The following ARHGAP44 variants were observed in gnomAD, a reference collection of about 807,000 sequenced individuals.
The protein encoded by ARHGAP44 is rho GTPase-activating protein 44.
ARHGAP44 carries 43 observed loss-of-function variants against 106.8 expected under a neutral mutation model. The ratio of observed to expected loss-of-function variants is 0.40; its 90% CI spans 0.32 to 0.52. ARHGAP44 has a LOEUF of 0.52. Ranked by LOEUF, ARHGAP44 falls within the 20% of genes least tolerant of loss-of-function variation. ARHGAP44 has a pLI of 0.48. For missense variants in ARHGAP44, 866 were observed against 1,050.5 expected (o/e 0.82, Z 2.43); for synonymous variants, 439 against 410.3 (o/e 1.07, Z -0.85).
chr17:12,855,110 G>T (rs2035870206), intron 1 of ARHGAP44, among the ~76,000 whole-genome samples: 1 of 152,046 alleles, frequency 6.6e-6, no homozygotes, highest in Admixed American at 6.6e-5. Context: ...ACACTGGGTG[G>T]GTAAAAGAAA....
At chr17:12,903,138 A>AGTGTGT (rs1421977965) in intron 3 of ARHGAP44, among the ~76,000 whole-genome samples, 4 of 94,750 alleles carry the variant, frequency 4.2e-5, no homozygotes, top group Admixed American at 1.3e-4. Context: ...AGAGAGAGAG[A>AGTGTGT]GAGTGTGTGT....
intron 3 of ARHGAP44, among the ~76,000 whole-genome samples, chr17:12,902,390 A>G (rs997352516): frequency 1.3e-5 from 2 of 152,146 alleles, no homozygotes; most frequent in African/African-American, 2.4e-5. Flanking sequence ...TGACCACCTA[A>G]TGTGTCTGCT....
intron 5 of ARHGAP44, 108 bp from the exon 6 acceptor site, chr17:12,919,647 A>C (rs1022864699): frequency 1.1e-6 from 1 of 879,064 alleles, no homozygotes; most frequent in Non-Finnish European, 1.7e-6. Flanking sequence ...TGGCCTCCCA[A>C]AGTGCTGGGA....
In ARHGAP44 at chr17:12,984,617, C is replaced by G; in HGVS notation, c.2026C>G (p.Pro676Ala). The change falls in exon 20 of 21, where the codon CCA (proline) becomes GCA (alanine). Residue 676 changes from proline (P) to alanine (A), a missense_variant. By Grantham distance (27) the Pro-to-Ala change is conservative. Around this residue, in one of 2 missense-constraint regions of ARHGAP44, gnomAD observed 418 missense variants for 403.6 expected, o/e 1.04. Transcript: ENST00000379672. ...MADQSAGQPS[P>A]VSLSPTPPST... ...AGACCAGTCCGCTGGCCAGCCGTCC[C>G]CAGTCAGCCTGTCCCCCACCCCGCC... 1 of 1,611,252 alleles carries G rather than the reference C, an allele frequency of 6.2e-7. No homozygotes were observed. Among genetic ancestry groups the G allele is most frequent in the South Asian group, 1.1e-5 (1 of 90,824 alleles).
chr17:12,885,612 G>T (rs1484108631), intron 1 of ARHGAP44, among the ~76,000 whole-genome samples: 1 of 152,018 alleles, frequency 6.6e-6, no homozygotes, highest in African/African-American at 2.4e-5. Flanking sequence ...TGTCTTAAGG[G>T]CTAATAATGT....
rs531273391 is a variant in ARHGAP44, at chr17:12,967,110, T to G, written c.1524-6192T>G. Reference sequence around the variant, plus strand: ...AGCACCCTTCTTCCTCATTTTTTTTTTTTTGTTTTGCTGGGGCAGGTCTTT... The same window carrying G: ...AGCACCCTTCTTCCTCATTTTTTTTGTTTTGTTTTGCTGGGGCAGGTCTTT... On this transcript the variant is annotated intron_variant, in intron 16 of 20. Coordinates refer to ENST00000379672, the MANE Select transcript of ARHGAP44 (RefSeq NM_014859.6). Among the ~76,000 whole-genome samples, 108 of 117,586 alleles carry G rather than the reference T, an allele frequency of 9.2e-4. 1 individual carries two copies. The highest frequency in any genetic ancestry group is 4.4e-3 in the African/African-American group (103 of 23,282). 77.1% of individuals were successfully genotyped at this position (117,586 alleles called of 152,430 possible). A position where few individuals can be genotyped will look rare whatever the true frequency, so the allele number is the denominator to read the frequency against.
intron 1 of ARHGAP44, among the ~76,000 whole-genome samples, chr17:12,874,603 C>T (rs1284169771): frequency 6.6e-6 from 1 of 151,926 alleles, no homozygotes; most frequent in African/African-American, 2.4e-5. Context: ...TGGTGGTGGG[C>T]ACCTGTAAAT....
At chr17:12,829,440 T>G (rs1223308652) in intron 1 of ARHGAP44, among the ~76,000 whole-genome samples, 1 of 152,152 alleles carries the variant, frequency 6.6e-6, no homozygotes, top group East Asian at 1.9e-4. Flanking sequence ...TTCACTCTTT[T>G]GACCCTTGGC....
chr17:12,917,542 A>G (rs2037954644), intron 5 of ARHGAP44, among the ~76,000 whole-genome samples: 1 of 151,998 alleles, frequency 6.6e-6, no homozygotes, highest in Non-Finnish European at 1.5e-5. Context: ...AGCTAATTGG[A>G]TGGTACCGCT....
chr17:12,890,641 T>G (rs2037017362), intron 1 of ARHGAP44, among the ~76,000 whole-genome samples: 1 of 152,206 alleles, frequency 6.6e-6, no homozygotes, highest in South Asian at 2.1e-4. Context: ...CTCATTGCCT[T>G]GATGAATAGC....
chr17:12,919,810 A>C lies in ARHGAP44; in HGVS notation c.443A>C (p.Asp148Ala). Residue 148 changes from aspartate to alanine, a missense_variant, in exon 6 of 21, where the codon GAC becomes GCC. By Grantham distance (126) the Asp-to-Ala change is moderately radical. Transcript: ENST00000379672. Reference protein sequence around the residue: ...QRKHLAKLVLDMDSSRTRWQQ... With the variant: ...QRKHLAKLVLAMDSSRTRWQQ... ...AAACACTTAGCCAAGTTGGTGCTGG[A>C]CATGGATTCCTCACGAACCAGGTAG... 1 of 1,613,364 alleles carries C rather than the reference A, an allele frequency of 6.2e-7. No homozygotes were observed. The highest frequency in any genetic ancestry group is 8.5e-7 in the Non-Finnish European group (1 of 1,179,636).
intron 6 of ARHGAP44, among the ~76,000 whole-genome samples, chr17:12,920,682 T>C (rs537423606): frequency 3.3e-5 from 5 of 152,266 alleles, no homozygotes; most frequent in South Asian, 4.1e-4. Context: ...CTATGTCCTG[T>C]CCATTACAGG....
chr17:12,990,740 G>GC lies in ARHGAP44; in HGVS notation c.*574dup, dbSNP rs1408560991. 1 of 152,312 alleles carries GC rather than the reference G, an allele frequency of 6.6e-6. No homozygotes were observed. Among genetic ancestry groups the GC allele is most frequent in the Non-Finnish European group, 1.5e-5 (1 of 68,156 alleles). The allele number at this position is 152,312 out of a possible 1,614,324, so 9.4% of individuals were successfully genotyped here. ...TTGCCACTGGAAAACCTTTCAGGCCGCCCCCATCAGTGGGCTCCAAAGTAA... is the reference window on the plus strand; with the variant it reads ...TTGCCACTGGAAAACCTTTCAGGCCGCCCCCCATCAGTGGGCTCCAAAGTAA... On this transcript the variant is annotated 3_prime_UTR_variant, in exon 21 of 21. Coordinates refer to ENST00000379672, the MANE Select transcript of ARHGAP44 (RefSeq NM_014859.6).
rs559674026 is a variant in ARHGAP44, at chr17:12,926,481, TATG to T, written c.465-2447_465-2445del. Among the ~76,000 whole-genome samples the T allele has an allele frequency of 2.1e-3, 305 of 144,932 alleles. 7 individuals are homozygous for T. The East Asian group carries it at 0.039, about 18-fold the overall frequency. ...ATACATATATAATATATATAATATATATGTATGTATAATATATGTATATATATT... is the reference window on the plus strand; with the variant it reads ...ATACATATATAATATATATAATATATTATGTATAATATATGTATATATATT... On this transcript the variant is annotated intron_variant, in intron 6 of 20. Coordinates refer to ENST00000379672, the MANE Select transcript of ARHGAP44 (RefSeq NM_014859.6).
intron 1 of ARHGAP44, among the ~76,000 whole-genome samples, chr17:12,891,370 G>C (rs929863395): frequency 3.9e-5 from 6 of 152,202 alleles, no homozygotes; most frequent in African/African-American, 1.4e-4. Flanking sequence ...TGAAGGCTGG[G>C]AAGTTTGAGA....
At chr17:12,802,969 A>ATATATT (rs1567621473) in intron 1 of ARHGAP44, among the ~76,000 whole-genome samples, 7 of 40,846 alleles carry the variant, frequency 1.7e-4, no homozygotes, top group Non-Finnish European at 3.1e-4. Flanking sequence ...ATATATATAT[A>ATATATT]TTTTTTTTTT....
intron 1 of ARHGAP44, among the ~76,000 whole-genome samples, chr17:12,869,382 T>A (rs1291619085): frequency 6.6e-5 from 10 of 151,514 alleles, no homozygotes; most frequent in Non-Finnish European, 1.2e-4. Flanking sequence ...TTCATAAATT[T>A]ATAACATGTG....
chr17:12,812,947 T>C (rs1372848670), intron 1 of ARHGAP44, among the ~76,000 whole-genome samples: 4 of 152,184 alleles, frequency 2.6e-5, no homozygotes, highest in African/African-American at 4.8e-5. Flanking sequence ...ATCTGGAGTA[T>C]TGCCTTTATT....
chr17:12,911,436 A>G (rs2150943550), intron 4 of ARHGAP44, among the ~76,000 whole-genome samples: 1 of 152,296 alleles, frequency 6.6e-6, no homozygotes, highest in South Asian at 2.1e-4. Flanking sequence ...CTAACTTGGC[A>G]AGTCCCCAAA....
Sources: allele counts gnomAD v4.1 joint callset (sites outside exome capture counted in the v4.1 genomes callset), GRCh38; gene constraint gnomAD v4.1.1; regional missense constraint gnomAD v4.1.1; transcripts MANE v1.5; gene names NCBI Gene and HGNC (gene_info 2026-07-23, HGNC 2026-07-21).